Variants in GPC5 observed in about 807,000 individuals in gnomAD.
The protein encoded by GPC5 is glypican 5, also known as glypican-5.
In GPC5, 47 loss-of-function variants were observed where a neutral mutation model predicts 53.9. The ratio of observed to expected loss-of-function variants is 0.87; its 90% confidence interval spans 0.69 to 1.11. GPC5 has a LOEUF of 1.11. GPC5 is among the 50% of genes most tolerant of loss of function. The pLI is 0.00. For missense variants in GPC5, 748 were observed against 713.1 expected (o/e 1.05, Z -0.56); for synonymous variants, 286 against 263.3 (o/e 1.09, Z -0.84).
At chr13:91,650,090 C>A (rs960210870) in intron 2 of GPC5, among the ~76,000 whole-genome samples, 2 of 152,026 alleles carry the variant, frequency 1.3e-5, no homozygotes, top group African/African-American at 2.4e-5. Context: ...AACTGGACTG[C>A]AAATCTTATT....
chr13:92,672,460 T>C (rs9523761), intron 7 of GPC5, among the ~76,000 whole-genome samples: 23,896 of 152,246 alleles, frequency 0.16, 2,156 homozygotes, highest in Non-Finnish European at 0.21. Context: ...TCAGCCATTT[T>C]GGAAGACAAT....
intron 7 of GPC5, among the ~76,000 whole-genome samples, chr13:92,555,449 A>T (rs1261484276): frequency 6.6e-6 from 1 of 151,434 alleles, no homozygotes; most frequent in Non-Finnish European, 1.5e-5. Context: ...ATTTAGCTCA[A>T]TTTAGAATAA....
intron 5 of GPC5, among the ~76,000 whole-genome samples, chr13:91,760,810 T>C (rs1307687403): frequency 1.3e-5 from 2 of 152,336 alleles, no homozygotes; most frequent in Non-Finnish European, 2.9e-5. Flanking sequence ...TGATTGTAGA[T>C]GAAAATGTCT....
intron 2 of GPC5, among the ~76,000 whole-genome samples, chr13:91,566,440 A>G (rs1160571773): frequency 6.6e-6 from 1 of 152,088 alleles, no homozygotes; most frequent in Non-Finnish European, 1.5e-5. Context: ...GGTGCACGCC[A>G]GTAGTACCAG....
In GPC5 at chr13:91,428,656, C is replaced by G. The variant is rs548631717; in HGVS notation, c.164-20105C>G. Among the ~76,000 whole-genome samples, 3 of 152,232 alleles carry G rather than the reference C, an allele frequency of 2.0e-5. No individual in the cohort carries two copies. The South Asian group carries it at 6.2e-4, about 32-fold the overall frequency. On this transcript the variant is annotated intron_variant, in intron 1 of 7. Coordinates refer to ENST00000377067, the MANE Select transcript of GPC5 (RefSeq NM_004466.6). ...CTAGGAATTTGTCTGCCTCCTATCG[C>G]TATCACTATTTAATTATTTGATGAG...
intron 7 of GPC5, among the ~76,000 whole-genome samples, chr13:92,296,687 G>C (rs1324421630): frequency 6.6e-6 from 1 of 152,186 alleles, no homozygotes. Flanking sequence ...GCGGGAACCG[G>C]GGCTGCGTGC....
At chr13:91,588,209 G>C (rs941791284) in intron 2 of GPC5, among the ~76,000 whole-genome samples, 2 of 152,092 alleles carry the variant, frequency 1.3e-5, no homozygotes, top group African/African-American at 4.8e-5. Context: ...TAAAACATTA[G>C]AAATCTATAC....
At chr13:91,919,640 C>A (rs932945564) in intron 6 of GPC5, among the ~76,000 whole-genome samples, 1 of 151,918 alleles carries the variant, frequency 6.6e-6, no homozygotes, top group Non-Finnish European at 1.5e-5. Context: ...TGGAAATATG[C>A]GAAAGACAGG....
At chr13:92,862,772 A>G (rs1879223936) in intron 7 of GPC5, among the ~76,000 whole-genome samples, 1 of 152,208 alleles carries the variant, frequency 6.6e-6, no homozygotes, top group Admixed American at 6.6e-5. Flanking sequence ...AGATTTTATA[A>G]ATGAACGAGC....
intron 7 of GPC5, among the ~76,000 whole-genome samples, chr13:92,291,367 A>G (rs1273045179): frequency 6.6e-6 from 1 of 152,132 alleles, no homozygotes; most frequent in Non-Finnish European, 1.5e-5. Context: ...AAGTACACCG[A>G]TCGGCACTCT....
intron 7 of GPC5, among the ~76,000 whole-genome samples, chr13:92,280,763 G>T (rs1039023334): frequency 2.0e-5 from 3 of 152,066 alleles, no homozygotes; most frequent in Non-Finnish European, 4.4e-5. Context: ...CGGGGTGCGG[G>T]GGGCGGTTGC....
chr13:92,082,282 T>G (rs2041301862), intron 6 of GPC5, among the ~76,000 whole-genome samples: 1 of 152,192 alleles, frequency 6.6e-6, no homozygotes, highest in East Asian at 1.9e-4. Flanking sequence ...CTATTTGTTG[T>G]ACTGTTCTTT....
At chr13:91,963,735 G>A (rs1278722962) in intron 6 of GPC5, among the ~76,000 whole-genome samples, 3 of 152,088 alleles carry the variant, frequency 2.0e-5, no homozygotes, top group African/African-American at 7.2e-5. Flanking sequence ...TATAAGAATA[G>A]GGATAAATAA....
intron 7 of GPC5, among the ~76,000 whole-genome samples, chr13:92,204,650 T>C (rs2042319857): frequency 6.6e-6 from 1 of 152,216 alleles, no homozygotes; most frequent in Non-Finnish European, 1.5e-5. Context: ...AAAGCCATTA[T>C]GCTATTATGC....
intron 7 of GPC5, among the ~76,000 whole-genome samples, chr13:92,483,297 C>T (rs373991689): frequency 3.9e-5 from 6 of 152,170 alleles, no homozygotes; most frequent in African/African-American, 1.4e-4. Context: ...AGCCCACTCC[C>T]CACCTAAGGC....
rs540705983 is a variant in GPC5, at chr13:92,633,851, T to C, written c.1562-232431T>C. Among the ~76,000 whole-genome samples, 7 of 152,300 alleles carry C rather than the reference T, an allele frequency of 4.6e-5. No homozygotes were observed. In the East Asian group the frequency reaches 1.3e-3, roughly 29 times the overall value. ...TTCTCACCATTAAGCGTAATGTTTATCTGTCTTCATATAGCCATATATATG... is the reference window on the plus strand; with the variant it reads ...TTCTCACCATTAAGCGTAATGTTTACCTGTCTTCATATAGCCATATATATG... On this transcript the variant is annotated intron_variant, in intron 7 of 7. Coordinates refer to ENST00000377067, the MANE Select transcript of GPC5 (RefSeq NM_004466.6).
chr13:91,800,241 A>T (rs1202076704), intron 5 of GPC5, among the ~76,000 whole-genome samples: 12 of 152,170 alleles, frequency 7.9e-5, no homozygotes, highest in Admixed American at 7.9e-4. Context: ...TAATAGAAAA[A>T]TAAAGACACA....
intron 7 of GPC5, among the ~76,000 whole-genome samples, chr13:92,632,568 T>C (rs986494037): frequency 3.3e-5 from 5 of 151,036 alleles, no homozygotes; most frequent in African/African-American, 1.2e-4. Flanking sequence ...TCTGCCCTAT[T>C]AATCTATATA....
At position 92,448,788 on chromosome 13, in the gene GPC5, AG is replaced by A. The variant is rs572674734; in HGVS notation, c.1561+303800del. The A allele has an allele frequency of 1.5e-4, 23 of 151,178 alleles. 1 individual carries two copies. In the East Asian group the frequency reaches 4.5e-3, roughly 30 times the overall value. 9.4% of individuals were successfully genotyped at this position (151,178 alleles called of 1,614,324 possible). On this transcript the variant is annotated intron_variant, in intron 7 of 7. Coordinates refer to ENST00000377067, the MANE Select transcript of GPC5 (RefSeq NM_004466.6). ...AGGAAAACTTTAAAATTGATAATTCAGCACATGGACTTAATTCACATCAAAA... is the reference window on the plus strand; with the variant it reads ...AGGAAAACTTTAAAATTGATAATTCACACATGGACTTAATTCACATCAAAA...
Sources: allele counts gnomAD v4.1 joint callset (sites outside exome capture counted in the v4.1 genomes callset), GRCh38; gene constraint gnomAD v4.1.1; transcripts MANE v1.5; gene names NCBI Gene and HGNC (gene_info 2026-07-23, HGNC 2026-07-21).